Variants in MPZL1 observed in about 807,000 individuals in gnomAD.
The protein encoded by MPZL1 is myelin protein zero like 1.
In MPZL1, 16 loss-of-function variants were observed where a neutral mutation model predicts 29.3. The observed-to-expected ratio is 0.55, with a 90% CI of 0.37 to 0.83. The LOEUF is 0.83. Ranked by LOEUF, MPZL1 falls within the 40% of genes least tolerant of loss-of-function variation. MPZL1 has a pLI of 0.00. For synonymous variants in MPZL1, 143 were observed against 132.0 expected (o/e 1.08, Z -0.57); for missense variants, 279 against 332.9 (o/e 0.84, Z 1.26).
chr1:167,787,229 A>G (rs1405197494), intron 5 of MPZL1: 1 of 152,206 alleles, frequency 6.6e-6, no homozygotes, highest in East Asian at 1.9e-4. Flanking sequence ...CAATATTTGT[A>G]TTGGTCACAA....
chr1:167,739,426 T>C (rs1660469184), intron 1 of MPZL1, among the ~76,000 whole-genome samples: 1 of 151,308 alleles, frequency 6.6e-6, no homozygotes, highest in Admixed American at 6.6e-5. Flanking sequence ...GTTGAATGAA[T>C]TTATTGGTGG....
At chr1:167,787,697 T>C (rs544522761) in intron 5 of MPZL1, 123 bp from the exon 6 acceptor site, 204 of 661,802 alleles carry the variant, frequency 3.1e-4, no homozygotes, top group Middle Eastern at 5.1e-4. Context: ...CCTGAAGACA[T>C]TCAAGAGGGA....
chr1:167,732,744 G>A (rs1660297148), intron 1 of MPZL1, among the ~76,000 whole-genome samples: 1 of 152,220 alleles, frequency 6.6e-6, no homozygotes, highest in Admixed American at 6.5e-5. Context: ...AGCCTCCTGA[G>A]TAGCTGGGAT....
chr1:167,774,393 G>A (rs1217151413), intron 4 of MPZL1, among the ~76,000 whole-genome samples: 1 of 152,198 alleles, frequency 6.6e-6, no homozygotes, highest in African/African-American at 2.4e-5. Flanking sequence ...GGTGGATGGT[G>A]GGAACCTCTA....
chr1:167,749,154 C>T (rs746806921), intron 1 of MPZL1, among the ~76,000 whole-genome samples: 3 of 152,130 alleles, frequency 2.0e-5, no homozygotes, highest in Non-Finnish European at 4.4e-5. Context: ...TATTTCATTC[C>T]ATTAAATGTT....
intron 5 of MPZL1, among the ~76,000 whole-genome samples, chr1:167,778,210 A>G (rs1023067667): frequency 2.0e-5 from 3 of 151,884 alleles, no homozygotes; most frequent in African/African-American, 7.3e-5. Context: ...AATCCCAGCT[A>G]CTCAGGAGGC....
rs1369616629 is a variant in MPZL1 at position 167,755,451 on chromosome 1, A to AAATATGTGAGAGTGTTATTTTCTTATCT, written c.92-10130_92-10103dup. ...GCCATTTCAGCACCTGGGAAGTGTAAAATATGTGAGAGTGTTATTTTCTTA... is the reference window on the plus strand; with the variant it reads ...GCCATTTCAGCACCTGGGAAGTGTAAAATATGTGAGAGTGTTATTTTCTTATCTAATATGTGAGAGTGTTATTTTCTTA... On this transcript the variant is annotated intron_variant, in intron 1 of 5. Transcript: ENST00000359523. Among the ~76,000 whole-genome samples the AAATATGTGAGAGTGTTATTTTCTTATCT allele has an allele frequency of 2.0e-5, 3 of 152,282 alleles. No individual in the cohort carries two copies. In the East Asian group the frequency reaches 5.8e-4, roughly 29 times the overall value.
chr1:167,722,375 C>G (rs1408525511), intron 1 of MPZL1, 133 bp downstream of exon 1: 26 of 1,221,744 alleles, frequency 2.1e-5, no homozygotes, highest in Non-Finnish European at 2.4e-5. Context: ...CCTGCGCTCT[C>G]TGGGGCCGAG....
intron 5 of MPZL1, among the ~76,000 whole-genome samples, chr1:167,786,316 C>T (rs1008046828): frequency 2.0e-5 from 3 of 152,156 alleles, no homozygotes; most frequent in Admixed American, 6.5e-5. Flanking sequence ...TGTAACAAGA[C>T]GTTCATAATA....
chr1:167,787,657 G>C, intron 5 of MPZL1, among the ~76,000 whole-genome samples, 163 bp from the exon 6 acceptor site: 1 of 152,196 alleles, frequency 6.6e-6, no homozygotes, highest in East Asian at 1.9e-4. Flanking sequence ...TTCAAAGTCA[G>C]TCCTGGATGT....
chr1:167,734,273 A>C (rs1258766961), intron 1 of MPZL1, among the ~76,000 whole-genome samples: 3 of 151,976 alleles, frequency 2.0e-5, no homozygotes, highest in African/African-American at 7.3e-5. Flanking sequence ...AAAAAAGATA[A>C]ACCCACTGTA....
At chr1:167,785,854 G>A (rs1419389994) in intron 5 of MPZL1, among the ~76,000 whole-genome samples, 4 of 152,186 alleles carry the variant, frequency 2.6e-5, no homozygotes, top group Admixed American at 6.5e-5. Flanking sequence ...GTGCAGTGGC[G>A]CTATCTTGGC....
intron 5 of MPZL1, among the ~76,000 whole-genome samples, chr1:167,782,576 T>C (rs923078556): frequency 4.6e-5 from 7 of 152,226 alleles, no homozygotes; most frequent in Admixed American, 1.3e-4. Context: ...TAAAAAAATT[T>C]TGAGAACTTG....
At chr1:167,787,196 T>C (rs1412093620) in intron 5 of MPZL1, 2 of 152,136 alleles carry the variant, frequency 1.3e-5, no homozygotes, top group Non-Finnish European at 2.9e-5. Flanking sequence ...AGAACAGTTA[T>C]CTGATATTAA....
At chr1:167,739,289 A>ACATATATATATATATATATATATG (rs1660459718) in intron 1 of MPZL1, among the ~76,000 whole-genome samples, 1 of 110,538 alleles carries the variant, frequency 9.0e-6, no homozygotes, top group East Asian at 2.2e-4. Context: ...ATACATATAT[A>ACATATATATATATATATATATATG]TATATATATA....
Position 167,779,612 on chromosome 1 carries a change from C to A in MPZL1, c.708+3446C>A, listed in dbSNP as rs79340971. On this transcript the variant is annotated intron_variant, in intron 5 of 5. Coordinates refer to ENST00000359523, the MANE Select transcript of MPZL1 (RefSeq NM_003953.6). The stretch of plus-strand genomic sequence containing the variant: ...AAAAAAAAAAATTGACTCTTTACAG[C>A]AAAAATAATGACAGCATTTTATGAG... Among the ~76,000 whole-genome samples, 5 of 151,838 alleles carry A rather than the reference C, an allele frequency of 3.3e-5. No individual in the cohort carries two copies. In the East Asian group the frequency reaches 9.7e-4, roughly 29 times the overall value.
At chr1:167,744,364 A>G (rs1483903048) in intron 1 of MPZL1, among the ~76,000 whole-genome samples, 1 of 152,068 alleles carries the variant, frequency 6.6e-6, no homozygotes, top group Non-Finnish European at 1.5e-5. Context: ...ATTAGGAAGC[A>G]TGTCCAGAGT....
At chr1:167,768,981 G>A (rs1661184444) in intron 2 of MPZL1, among the ~76,000 whole-genome samples, 1 of 152,236 alleles carries the variant, frequency 6.6e-6, no homozygotes, top group Admixed American at 6.5e-5. Context: ...ACTTTGAACA[G>A]ATAAGACATG....
intron 1 of MPZL1, among the ~76,000 whole-genome samples, chr1:167,761,481 A>G (rs1434961139): frequency 6.6e-6 from 1 of 152,132 alleles, no homozygotes; most frequent in Non-Finnish European, 1.5e-5. Flanking sequence ...GCACAGATGC[A>G]GGGAGGTGGG....
Sources: allele counts gnomAD v4.1 joint callset (sites outside exome capture counted in the v4.1 genomes callset), GRCh38; gene constraint gnomAD v4.1.1; transcripts MANE v1.5; gene names NCBI Gene and HGNC (gene_info 2026-07-23, HGNC 2026-07-21).